Variants in CDH20 observed in about 807,000 individuals in gnomAD.
The protein encoded by CDH20 is cadherin 20.
Under a neutral mutation model 74.2 loss-of-function variants are expected in CDH20, and 29 were observed. That is an observed-to-expected ratio of 0.39 (90% CI 0.29 to 0.53). The LOEUF is 0.53. Ranked by LOEUF, CDH20 falls within the 20% of genes least tolerant of loss-of-function variation. CDH20 has a pLI of 0.69. For synonymous variants in CDH20, 469 were observed against 405.4 expected (o/e 1.16, Z -1.88); for missense variants, 988 against 1,048.3 (o/e 0.94, Z 0.79).
chr18:61,421,120 C>CT (rs1346037732), intron 1 of CDH20, among the ~76,000 whole-genome samples: 3 of 152,148 alleles, frequency 2.0e-5, no homozygotes, highest in African/African-American at 7.2e-5. Flanking sequence ...CATGACCTTG[C>CT]TCTTTCCAAA....
intron 1 of CDH20, among the ~76,000 whole-genome samples, chr18:61,440,668 G>T (rs554125338): frequency 1.1e-4 from 16 of 152,294 alleles, no homozygotes; most frequent in Middle Eastern, 3.4e-3. Context: ...GTCTTGGCTA[G>T]GCGTCTCAAC....
rs1284959214 is a variant in CDH20 at position 61,353,566 on chromosome 18, T to C, written c.-153+19739T>C. On this transcript the variant is annotated intron_variant, in intron 1 of 11. Coordinates refer to ENST00000262717, the MANE Select transcript of CDH20 (RefSeq NM_031891.4). The surrounding 1 kb of genome is among the most constrained non-coding windows in gnomAD (Gnocchi z 4.6). ...TTGCTTTTGAATATCCGACAGTGTG[T>C]ATCACAGTGCTTTGCACATATTTTA... Among the ~76,000 whole-genome samples, 1 of 152,234 alleles carries C rather than the reference T, an allele frequency of 6.6e-6. No individual in the cohort carries two copies. The highest frequency in any genetic ancestry group is 1.5e-5 in the Non-Finnish European group (1 of 68,052).
At chr18:61,534,778 A>G (rs918935635) in intron 7 of CDH20, among the ~76,000 whole-genome samples, 6 of 152,340 alleles carry the variant, frequency 3.9e-5, no homozygotes, top group Admixed American at 1.3e-4. Flanking sequence ...TCAAAGCTTC[A>G]GTAAGGGGTA....
chr18:61,468,668 C>T (rs929878509), intron 1 of CDH20, among the ~76,000 whole-genome samples: 2 of 152,124 alleles, frequency 1.3e-5, no homozygotes, highest in East Asian at 1.9e-4. Context: ...CCTCATATAT[C>T]GTGTCCAGGG....
intron 1 of CDH20, among the ~76,000 whole-genome samples, chr18:61,430,171 G>C (rs561673797): frequency 1.3e-5 from 2 of 151,886 alleles, no homozygotes; most frequent in East Asian, 1.9e-4. Flanking sequence ...TCTTGGTCAT[G>C]CTTGCAAGCG....
At chr18:61,502,348 C>A (rs1911413076) in intron 4 of CDH20, among the ~76,000 whole-genome samples, 1 of 152,012 alleles carries the variant, frequency 6.6e-6, no homozygotes, top group Admixed American at 6.6e-5. Context: ...TCTTTCATGT[C>A]CTAGCTCACA....
chr18:61,367,784 C>T (rs907954014), intron 1 of CDH20, among the ~76,000 whole-genome samples: 1 of 152,058 alleles, frequency 6.6e-6, no homozygotes, highest in Non-Finnish European at 1.5e-5. Flanking sequence ...GTTAGAAGTC[C>T]AACCTCCAGA....
intron 5 of CDH20, among the ~76,000 whole-genome samples, chr18:61,506,968 C>T (rs933282323): frequency 5.3e-5 from 8 of 152,182 alleles, no homozygotes; most frequent in East Asian, 1.9e-4. Flanking sequence ...ACATTTGAAG[C>T]GTAAACAGAA....
At chr18:61,363,786 C>T (rs769123804) in intron 1 of CDH20, among the ~76,000 whole-genome samples, 2 of 152,200 alleles carry the variant, frequency 1.3e-5, no homozygotes, top group Non-Finnish European at 2.9e-5. Context: ...ATGGTAGTAA[C>T]AGCCTTTTAT....
rs144896928 is a variant in CDH20, at chr18:61,342,012, G to A, written c.-153+8185G>A. 1.9e-3 allele frequency among the ~76,000 whole-genome samples: 286 copies of A among 152,162 alleles called. 1 individual carries two copies. Among genetic ancestry groups the A allele is most frequent in the African/African-American group, 6.3e-3 (262 of 41,518 alleles). Reference sequence around the variant, plus strand: ...CAGTCATTAAAATATTAATCCATTTGGCAGTTAGCATCTCAGTGGAATACT... The same window carrying A: ...CAGTCATTAAAATATTAATCCATTTAGCAGTTAGCATCTCAGTGGAATACT... On this transcript the variant is annotated intron_variant, in intron 1 of 11. Coordinates refer to ENST00000262717, the MANE Select transcript of CDH20 (RefSeq NM_031891.4).
intron 1 of CDH20, among the ~76,000 whole-genome samples, chr18:61,446,157 A>G (rs1331410422): frequency 1.3e-5 from 2 of 152,320 alleles, no homozygotes; most frequent in East Asian, 3.9e-4. Flanking sequence ...ATACCTAAGG[A>G]GAAGGAAATT....
At chr18:61,531,390 C>T (rs1040688640) in intron 7 of CDH20, among the ~76,000 whole-genome samples, 5 of 152,200 alleles carry the variant, frequency 3.3e-5, no homozygotes, top group African/African-American at 1.2e-4. Flanking sequence ...TGGAGAGCTG[C>T]CATCAGGGAC....
chr18:61,506,187 A>T lies in CDH20; in HGVS notation c.830-1186A>T, dbSNP rs149776898. On this transcript the variant is annotated intron_variant, in intron 5 of 11. Coordinates refer to ENST00000262717, the MANE Select transcript of CDH20 (RefSeq NM_031891.4). Reference sequence around the variant, plus strand: ...ATGTTTAAACATATAACATAGCTTTATTGGGATGAGGAAAACTGTAGGCAG... The same window carrying T: ...ATGTTTAAACATATAACATAGCTTTTTTGGGATGAGGAAAACTGTAGGCAG... 5.3e-4 allele frequency among the ~76,000 whole-genome samples: 81 copies of T among 152,362 alleles called. No individual in the cohort carries two copies. In the East Asian group the frequency reaches 8.9e-3, roughly 17 times the overall value.
chr18:61,336,383 C>G (rs1909762037), intron 1 of CDH20, among the ~76,000 whole-genome samples: 1 of 152,144 alleles, frequency 6.6e-6, no homozygotes. Flanking sequence ...CTTCTCTTAC[C>G]ATCTCCAAGA....
At chr18:61,350,928 G>A (rs1292425237) in intron 1 of CDH20, among the ~76,000 whole-genome samples, 2 of 152,130 alleles carry the variant, frequency 1.3e-5, no homozygotes, top group African/African-American at 4.8e-5. Context: ...CAGCAAGGGA[G>A]GCAGGCAAAT....
chr18:61,520,407 C>T lies in CDH20; in HGVS notation c.1018-7560C>T, dbSNP rs546738177. Among the ~76,000 whole-genome samples the T allele has an allele frequency of 6.0e-5, 9 of 150,646 alleles. 2 individuals carry two copies. The highest frequency in any genetic ancestry group is 1.7e-4 in the African/African-American group (7 of 40,478). ...TAGCTAACTATCCTAAATATATATG[C>T]ACCCAATACAAGAGCACCCAGATTC... On this transcript the variant is annotated intron_variant, in intron 6 of 11. Transcript: ENST00000262717.
At chr18:61,543,938 C>T (rs1347497157) in intron 9 of CDH20, among the ~76,000 whole-genome samples, 1 of 152,194 alleles carries the variant, frequency 6.6e-6, no homozygotes, top group African/African-American at 2.4e-5. Flanking sequence ...GGCACCCGAG[C>T]CCTTTAACTC....
intron 1 of CDH20, among the ~76,000 whole-genome samples, chr18:61,423,831 G>A (rs1912975546): frequency 6.6e-6 from 1 of 152,164 alleles, no homozygotes; most frequent in Non-Finnish European, 1.5e-5. Flanking sequence ...CAACGTGACA[G>A]TGTTTTATAG....
intron 1 of CDH20, among the ~76,000 whole-genome samples, chr18:61,388,541 A>G (rs959416289): frequency 3.3e-5 from 5 of 152,298 alleles, no homozygotes; most frequent in African/African-American, 1.2e-4. Flanking sequence ...TGCTCAGCCA[A>G]TTCATTTGAT....
Sources: allele counts gnomAD v4.1 joint callset (sites outside exome capture counted in the v4.1 genomes callset), GRCh38; gene constraint gnomAD v4.1.1; non-coding constraint Gnocchi (gnomAD v3.1); transcripts MANE v1.5; gene names NCBI Gene and HGNC (gene_info 2026-07-23, HGNC 2026-07-21).